The following PLIN1 variants were observed in gnomAD, a reference collection of about 807,000 sequenced individuals.
PLIN1 encodes the protein perilipin 1.
PLIN1 carries 37 observed loss-of-function variants against 45.8 expected under a neutral mutation model. That is an observed-to-expected ratio of 0.81 (90% CI 0.62 to 1.06). PLIN1 has a LOEUF of 1.06. Ranked by LOEUF, PLIN1 falls within the 50% of genes least tolerant of loss-of-function variation. The pLI is 0.00. For synonymous variants in PLIN1, 340 were observed against 309.2 expected (o/e 1.10, Z -1.05); for missense variants, 776 against 716.5 (o/e 1.08, Z -0.95).
chr15:89,671,062 C>G lies in PLIN1; in HGVS notation c.333+420G>C, dbSNP rs185250293. ...ATATGTAGCCAGGTAAAGTGACCTT[C>G]AATCTCATGGTCCATAAAAGGTTGG... On this transcript the variant is annotated intron_variant, in intron 4 of 8. Transcript: ENST00000300055. Among the ~76,000 whole-genome samples the G allele has an allele frequency of 1.6e-3, 243 of 152,308 alleles. 2 individuals carry two copies. Among genetic ancestry groups the G allele is most frequent in the Non-Finnish European group, 4.9e-4 (33 of 68,034 alleles).
At position 89,673,282 on chromosome 15, in the gene PLIN1, T is replaced by G. The variant is rs772882018; in HGVS notation, c.178A>C (p.Lys60Gln). 6.3e-7 allele frequency: 1 copy of G among 1,583,614 alleles called. No individual in the cohort carries two copies. The highest frequency in any genetic ancestry group is 8.6e-7 in the Non-Finnish European group (1 of 1,163,654). Residue 60 changes from lysine (K) to glutamine (Q), a missense_variant, in exon 3 of 9, where the codon AAG becomes CAG. By Grantham distance (53) the Lys-to-Gln change is moderately conservative (BLOSUM62 1). Coordinates refer to ENST00000300055, the MANE Select transcript of PLIN1 (RefSeq NM_002666.5). Reference protein sequence around the residue: ...LVASVCNAYEKGVQSASSLAA... With the variant: ...LVASVCNAYEQGVQSASSLAA... ...AAGCTACTGGCGCTCTGCACGCCCT[T>G]CTCATAGGCATTGCACACAGAGGCC...
At position 89,669,656 on chromosome 15, in the gene PLIN1, G is replaced by A. The variant is rs375467173; in HGVS notation, c.615C>T (p.His205=). Residue 205 remains histidine (H), a synonymous_variant, in exon 6 of 9, where the codon CAC becomes CAT. Transcript: ENST00000300055. The part of the protein sequence containing the change: ...DKEESAPAPG[H]QQAQKSPKAK... The stretch of plus-strand genomic sequence containing the variant: ...CCTTGGGAGACTTCTGGGCTTGCTG[G>A]TGTCCAGGAGCAGGGGCTGGGTAGG... The A allele has an allele frequency of 2.5e-6, 4 of 1,613,912 alleles. No individual in the cohort carries two copies. Among genetic ancestry groups the A allele is most frequent in the African/African-American group, 2.7e-5 (2 of 74,924 alleles).
chr15:89,666,661 G>A (rs997682713), intron 8 of PLIN1, among the ~76,000 whole-genome samples: 3 of 152,136 alleles, frequency 2.0e-5, no homozygotes, highest in African/African-American at 7.2e-5. Flanking sequence ...GAGCCACTGG[G>A]ATCCTGGGAC....
intron 5 of PLIN1, 104 bp downstream of exon 5, chr15:89,669,876 C>T (rs947579100): frequency 7.2e-6 from 9 of 1,242,470 alleles, no homozygotes; most frequent in East Asian, 2.5e-5. Flanking sequence ...ATCCCACTGG[C>T]CTTCCCTATT....
Position 89,667,063 on chromosome 15 carries a change from G to A in PLIN1, c.1082C>T (p.Ala361Val), listed in dbSNP as rs745631797. Residue 361 changes from alanine to valine, a missense_variant, in exon 8 of 9, where the codon GCA becomes GTA. Physicochemically the swap from Ala to Val is moderately conservative, Grantham distance 64. Coordinates refer to ENST00000300055, the MANE Select transcript of PLIN1 (RefSeq NM_002666.5). Reference sequence around the variant, plus strand: ...TGGTGTGAGGTGCAGCACCCTCCCTGCCATGCCCAGCACAGCTGCAGGTGC... The same window carrying A: ...TGGTGTGAGGTGCAGCACCCTCCCTACCATGCCCAGCACAGCTGCAGGTGC... Reference protein sequence around the residue: ...TWAPAAVLGMAGRVLHLTPAP... With the variant: ...TWAPAAVLGMVGRVLHLTPAP... The A allele has an allele frequency of 2.5e-6, 4 of 1,614,132 alleles. No individual in the cohort carries two copies. The highest frequency in any genetic ancestry group is 3.4e-6 in the Non-Finnish European group (4 of 1,180,006).
In PLIN1 at chr15:89,671,654, C is replaced by T. The variant is rs1183165151; in HGVS notation, c.251-90G>A. On this transcript the variant is annotated intron_variant, in intron 3 of 8. Coordinates refer to ENST00000300055, the MANE Select transcript of PLIN1 (RefSeq NM_002666.5). ...CTGTGCCAAGGAAGTGACTTGGAGC[C>T]CTCAAATCCCAAGGCCTGCTGCCTC... is the stretch of plus-strand genomic sequence containing the variant. 3.1e-6 allele frequency: 3 copies of T among 965,292 alleles called. No homozygotes were observed. The African/African-American group carries it at 4.9e-5, about 16-fold the overall frequency. The allele number at this position is 965,292 out of a possible 1,614,324, so 59.8% of individuals were successfully genotyped here. A position where few individuals can be genotyped will look rare whatever the true frequency, so the allele number is the denominator to read the frequency against.
rs1045743449 is a variant in PLIN1, at chr15:89,673,523, G to T, written c.46-109C>A. The T allele has an allele frequency of 3.7e-5, 31 of 848,704 alleles. 1 individual carries two copies. In the South Asian group the frequency reaches 4.5e-4, roughly 12 times the overall value. The allele number at this position is 848,704 out of a possible 1,614,324, so 52.6% of individuals were successfully genotyped here. On this transcript the variant is annotated intron_variant, in intron 2 of 8. Transcript: ENST00000300055. ...TGGTGCAACTAGCCTGAGTCCAAGC[G>T]ACCTGGGAGGAACCAAGGCCAAAGA...
At chr15:89,667,913 C>CA in intron 6 of PLIN1, 120 bp from the exon 7 acceptor site, 1 of 1,460,846 alleles carries the variant, frequency 6.8e-7, no homozygotes, top group African/African-American at 1.5e-5. Context: ...GGCTCAGCCC[C>CA]AGCAGACTTT....
intron 4 of PLIN1, among the ~76,000 whole-genome samples, 171 bp from the exon 5 acceptor site, chr15:89,670,415 G>C (rs918694441): frequency 2.6e-5 from 4 of 152,204 alleles, no homozygotes; most frequent in Non-Finnish European, 4.4e-5. Flanking sequence ...TTAGAGGAGA[G>C]GGCTCCAACC....
At chr15:89,672,005 CT>C (rs1964448264) in intron 3 of PLIN1, among the ~76,000 whole-genome samples, 1 of 152,190 alleles carries the variant, frequency 6.6e-6, no homozygotes, top group Non-Finnish European at 1.5e-5. Context: ...TGCAAGGGGG[CT>C]CTGAGTGAGC....
chr15:89,667,078 G>A lies in PLIN1; in HGVS notation c.1067C>T (p.Ala356Val), dbSNP rs1344343105. Reference sequence around the variant, plus strand: ...CACCCTCCCTGCCATGCCCAGCACAGCTGCAGGTGCCCATGTCACAGCCGA... The same window carrying A: ...CACCCTCCCTGCCATGCCCAGCACAACTGCAGGTGCCCATGTCACAGCCGA... ...TISAVTWAPA[A>V]VLGMAGRVLH... Residue 356 changes from alanine (A) to valine (V), a missense_variant, in exon 8 of 9, where the codon GCT becomes GTT. Coordinates refer to ENST00000300055, the MANE Select transcript of PLIN1 (RefSeq NM_002666.5). The A allele has an allele frequency of 3.1e-6, 5 of 1,614,136 alleles. No homozygotes were observed. In the African/African-American group the frequency reaches 6.7e-5, roughly 22 times the overall value.
In PLIN1 at chr15:89,664,450, G is replaced by C. The variant is rs1386047868; in HGVS notation, c.*1133C>G. On this transcript the variant is annotated 3_prime_UTR_variant, in exon 9 of 9. Transcript: ENST00000300055. ...GAAACAACTTAAAAGTCCATCATTA[G>C]GGAACTAGTTAAATCAAATAAGGCG... 1 of 154,244 alleles carries C rather than the reference G, an allele frequency of 6.5e-6. No homozygotes were observed. Among genetic ancestry groups the C allele is most frequent in the East Asian group, 1.9e-4 (1 of 5,222 alleles). 9.6% of individuals were successfully genotyped at this position (154,244 alleles called of 1,614,324 possible). A position where few individuals can be genotyped will look rare whatever the true frequency, so the allele number is the denominator to read the frequency against.
chr15:89,665,508 C>A lies in PLIN1; in HGVS notation c.*75G>T, dbSNP rs1017515427. On this transcript the variant is annotated 3_prime_UTR_variant, in exon 9 of 9. Transcript: ENST00000300055. ...GGACCACTTTGAAAGTGGCAACGCT[C>A]GCCTGGGCAGTGCGGGTTCTGTTTA... 4.8e-6 allele frequency: 7 copies of A among 1,447,360 alleles called. No homozygotes were observed. In the African/African-American group the frequency reaches 8.6e-5, roughly 18 times the overall value. The allele number at this position is 1,447,360 out of a possible 1,614,324, so 89.7% of individuals were successfully genotyped here.
Position 89,665,304 on chromosome 15 carries a change from CA to C in PLIN1, c.*278del, listed in dbSNP as rs2141522085. On this transcript the variant is annotated 3_prime_UTR_variant, in exon 9 of 9. Coordinates refer to ENST00000300055, the MANE Select transcript of PLIN1 (RefSeq NM_002666.5). The stretch of plus-strand genomic sequence containing the variant: ...TAAAGAGATGAAAAATCAAGTTAGG[CA>C]ATTACTCTTATAGTAACAACCAAGC... 3.3e-6 allele frequency: 1 copy of C among 304,686 alleles called. No individual in the cohort carries two copies. Among genetic ancestry groups the C allele is most frequent in the African/African-American group, 2.2e-5 (1 of 46,484 alleles). The allele number at this position is 304,686 out of a possible 1,614,324, so 18.9% of individuals were successfully genotyped here. A position where few individuals can be genotyped will look rare whatever the true frequency, so the allele number is the denominator to read the frequency against.
intron 6 of PLIN1, among the ~76,000 whole-genome samples, chr15:89,668,640 G>C: frequency 6.6e-6 from 1 of 152,222 alleles, no homozygotes; most frequent in East Asian, 1.9e-4. Flanking sequence ...AGCTTTTGGG[G>C]ATGCCACTCT....
At chr15:89,676,589 A>C (rs1402889277) in intron 2 of PLIN1, 1 of 152,180 alleles carries the variant, frequency 6.6e-6, no homozygotes, top group East Asian at 1.9e-4. Flanking sequence ...TGAAATTTGA[A>C]CTAGAAATAG....
Position 89,667,071 on chromosome 15 carries a change from C to T in PLIN1, c.1074G>A (p.Leu358=), listed in dbSNP as rs748846601. Residue 358 remains leucine, a synonymous_variant, in exon 8 of 9, where the codon CTG becomes CTA. Coordinates refer to ENST00000300055, the MANE Select transcript of PLIN1 (RefSeq NM_002666.5). Reference sequence around the variant, plus strand: ...GGTGCAGCACCCTCCCTGCCATGCCCAGCACAGCTGCAGGTGCCCATGTCA... The same window carrying T: ...GGTGCAGCACCCTCCCTGCCATGCCTAGCACAGCTGCAGGTGCCCATGTCA... ...SAVTWAPAAV[L]GMAGRVLHLT... 1.9e-6 allele frequency: 3 copies of T among 1,614,148 alleles called. No homozygotes were observed. In the East Asian group the frequency reaches 6.7e-5, roughly 36 times the overall value.
intron 7 of PLIN1, among the ~76,000 whole-genome samples, 193 bp from the exon 8 acceptor site, chr15:89,667,374 T>C (rs1964365373): frequency 2.0e-5 from 3 of 152,230 alleles, no homozygotes; most frequent in African/African-American, 7.2e-5. Flanking sequence ...TCCTGCAAAA[T>C]GGGACAATAA....
chr15:89,665,524 G>T lies in PLIN1; in HGVS notation c.*59C>A. ...GGCAACGCTCGCCTGGGCAGTGCGG[G>T]TTCTGTTTATTTGTTAGAGAAACCC... On this transcript the variant is annotated 3_prime_UTR_variant, in exon 9 of 9. Transcript: ENST00000300055. 2 of 1,504,232 alleles carry T rather than the reference G, an allele frequency of 1.3e-6. No homozygotes were observed. The highest frequency in any genetic ancestry group is 8.9e-7 in the Non-Finnish European group (1 of 1,124,966). The allele number at this position is 1,504,232 out of a possible 1,614,324, so 93.2% of individuals were successfully genotyped here. A position where few individuals can be genotyped will look rare whatever the true frequency, so the allele number is the denominator to read the frequency against.
Sources: gnomAD v4.1 joint callset for allele counts (sites outside exome capture counted in the v4.1 genomes callset) on GRCh38, gnomAD v4.1.1 for gene constraint, MANE v1.5 for transcripts, NCBI Gene and HGNC (gene_info 2026-07-23, HGNC 2026-07-21) for gene names.